Variants in C10orf90 observed in about 807,000 individuals in gnomAD.
C10orf90 encodes (E2-independent) E3 ubiquitin-conjugating enzyme FATS.
Under a neutral mutation model 62.5 loss-of-function variants are expected in C10orf90, and 56 were observed. The ratio of observed to expected loss-of-function variants is 0.90; its 90% CI spans 0.72 to 1.12. The LOEUF is 1.12. Ranked by LOEUF, C10orf90 falls within the 50% of genes most tolerant of loss-of-function variation. The pLI, the probability that C10orf90 is intolerant of heterozygous loss-of-function variation, is 0.00. For synonymous variants in C10orf90, 386 were observed against 340.4 expected, an observed-to-expected ratio of 1.13 and a Z score of -1.47; for missense variants, 970 against 880.4, an observed-to-expected ratio of 1.10 and a Z score of -1.29.
At chr10:126,600,080 A>AGT (rs1458107965) in intron 2 of C10orf90, among the ~76,000 whole-genome samples, 2 of 152,154 alleles carry the variant, frequency 1.3e-5, no homozygotes, top group Non-Finnish European at 2.9e-5. Context: ...AGGTTTCCAC[A>AGT]GTGTGTGTGT....
chr10:126,608,116 G>A (rs1033478185), intron 2 of C10orf90, among the ~76,000 whole-genome samples: 1 of 152,088 alleles, frequency 6.6e-6, no homozygotes, highest in African/African-American at 2.4e-5. Context: ...TTATTTACTT[G>A]TATTCTTTTG....
rs1205367546 is a variant in C10orf90, at chr10:126,670,518, G to A, written c.-38C>T. On this transcript the variant is annotated 5_prime_UTR_variant, in exon 1 of 10. Transcript: ENST00000488181. ...CTTGTGACTTTAGCTAGTGAGACTG[G>A]CAAACACAATTTTCTTTGTTTAACC... 2.2e-6 allele frequency: 1 copy of A among 452,842 alleles called. No homozygotes were observed. The allele number at this position is 452,842 out of a possible 1,614,324, so 28.1% of individuals were successfully genotyped here. A position where few individuals can be genotyped will look rare whatever the true frequency, so the allele number is the denominator to read the frequency against.
chr10:126,509,694 A>G (rs1208235238), intron 3 of C10orf90, among the ~76,000 whole-genome samples: 1 of 152,184 alleles, frequency 6.6e-6, no homozygotes, highest in Non-Finnish European at 1.5e-5. Context: ...AAAAGTCCCC[A>G]AACAACAAAC....
chr10:126,663,645 C>T (rs1408263736), intron 1 of C10orf90, among the ~76,000 whole-genome samples: 1 of 152,170 alleles, frequency 6.6e-6, no homozygotes, highest in Admixed American at 6.5e-5. Flanking sequence ...GCCCCCACCC[C>T]CTGCCCTTCT....
intron 2 of C10orf90, among the ~76,000 whole-genome samples, chr10:126,538,760 G>A (rs12259670): frequency 0.51 from 76,819 of 152,074 alleles, 19,907 homozygotes; most frequent in Admixed American, 0.59. Flanking sequence ...CAAGTTGGAT[G>A]CCTTGGAAGC....
At chr10:126,429,637 T>A (rs1857457627) in intron 8 of C10orf90, 150 bp downstream of exon 8, 1 of 630,300 alleles carries the variant, frequency 1.6e-6, no homozygotes, top group Admixed American at 3.0e-5. Context: ...CCGTACTTAT[T>A]TTAGCCGTTT....
At chr10:126,542,987 T>C (rs12780232) in intron 2 of C10orf90, among the ~76,000 whole-genome samples, 23,921 of 152,178 alleles carry the variant, frequency 0.16, 2,376 homozygotes, top group Middle Eastern at 0.31. Flanking sequence ...TTAAAAACTG[T>C]CAAATGTGTG....
At chr10:126,544,721 G>A (rs1480448713) in intron 2 of C10orf90, among the ~76,000 whole-genome samples, 1 of 152,158 alleles carries the variant, frequency 6.6e-6, no homozygotes, top group Non-Finnish European at 1.5e-5. Context: ...TTTCTTAAGT[G>A]AGGTGAGTGA....
intron 2 of C10orf90, among the ~76,000 whole-genome samples, chr10:126,582,118 G>T (rs1195177011): frequency 6.6e-6 from 1 of 152,186 alleles, no homozygotes; most frequent in Non-Finnish European, 1.5e-5. Flanking sequence ...ACTTGTTCCT[G>T]GGGTTAGCCT....
chr10:126,457,299 C>G (rs574475685), intron 7 of C10orf90, among the ~76,000 whole-genome samples: 18 of 152,202 alleles, frequency 1.2e-4, no homozygotes, highest in Non-Finnish European at 2.4e-4. Context: ...AGTTCCTGTT[C>G]TTTTAAGCCC....
At chr10:126,463,026 C>T (rs1490473594) in intron 5 of C10orf90, among the ~76,000 whole-genome samples, 5 of 151,802 alleles carry the variant, frequency 3.3e-5, no homozygotes, top group African/African-American at 9.7e-5. Context: ...ACCCACCCCC[C>T]GTCTCCCAGT....
At chr10:126,609,348 A>C (rs1344412603) in intron 2 of C10orf90, among the ~76,000 whole-genome samples, 1 of 152,246 alleles carries the variant, frequency 6.6e-6, no homozygotes, top group African/African-American at 2.4e-5. Context: ...GGTTGCAGTG[A>C]GCCGAGATCG....
At chr10:126,558,041 CCTCTTCA>C (rs1314974271) in intron 2 of C10orf90, among the ~76,000 whole-genome samples, 2 of 152,112 alleles carry the variant, frequency 1.3e-5, no homozygotes, top group Non-Finnish European at 2.9e-5. Flanking sequence ...TCTGCAGTAT[CCTCTTCA>C]CTCTCCAGGC....
chr10:126,505,193 C>T, intron 3 of C10orf90, 108 bp from the exon 4 acceptor site: 1 of 1,174,772 alleles, frequency 8.5e-7, no homozygotes, highest in Non-Finnish European at 1.2e-6. Context: ...TCATAACACT[C>T]AGATGTCTTG....
At chr10:126,535,079 A>T (rs1864196453) in intron 2 of C10orf90, among the ~76,000 whole-genome samples, 1 of 152,144 alleles carries the variant, frequency 6.6e-6, no homozygotes, top group Non-Finnish European at 1.5e-5. Flanking sequence ...TTGTGAGAGA[A>T]GTATTCACAA....
intron 1 of C10orf90, among the ~76,000 whole-genome samples, chr10:126,654,514 G>A (rs1302714884): frequency 1.3e-5 from 2 of 152,180 alleles, no homozygotes; most frequent in Admixed American, 6.5e-5. Flanking sequence ...TTGGCTTAGG[G>A]GAATGTTGTG....
intron 1 of C10orf90, among the ~76,000 whole-genome samples, chr10:126,652,258 T>C (rs192086006): frequency 1.3e-5 from 2 of 152,220 alleles, no homozygotes; most frequent in Non-Finnish European, 2.9e-5. Context: ...CTTTTTCTAA[T>C]CTAAAATAAA....
intron 2 of C10orf90, among the ~76,000 whole-genome samples, chr10:126,615,013 T>C (rs1285352142): frequency 1.3e-5 from 2 of 152,200 alleles, no homozygotes; most frequent in Non-Finnish European, 2.9e-5. Context: ...TGACTGAGGC[T>C]AGATGGTTCC....
Position 126,515,295 on chromosome 10 carries a change from A to G in C10orf90, c.314-1356T>C, listed in dbSNP as rs1564849679. Among the ~76,000 whole-genome samples the G allele has an allele frequency of 2.0e-5, 3 of 152,170 alleles. No homozygotes were observed. The South Asian group carries it at 6.2e-4, about 32-fold the overall frequency. ...TGCTCATAGTCTGCAGTAGCAGACA[A>G]TACTGTCCTAGGCCTCCCCATTCAC... is the stretch of plus-strand genomic sequence containing the variant. On this transcript the variant is annotated intron_variant, in intron 2 of 9. Transcript: ENST00000488181.
Sources: gnomAD v4.1 joint callset for allele counts (sites outside exome capture counted in the v4.1 genomes callset) on GRCh38, gnomAD v4.1.1 for gene constraint, MANE v1.5 for transcripts, NCBI Gene and HGNC (gene_info 2026-07-23, HGNC 2026-07-21) for gene names.